The following PTPN13 variants were observed in gnomAD, a reference collection of about 807,000 sequenced individuals.
The protein encoded by PTPN13 is protein tyrosine phosphatase non-receptor type 13.
A neutral mutation model predicts 284.0 loss-of-function variants in PTPN13; 191 were observed. The ratio of observed to expected loss-of-function variants is 0.67; its 90% confidence interval spans 0.60 to 0.76. The LOEUF (loss-of-function observed/expected upper bound fraction) is 0.76. PTPN13 is among the 30% of genes least tolerant of loss of function. PTPN13 has a pLI of 0.00. For missense variants in PTPN13, 2,797 were observed against 2,939.9 expected, an observed-to-expected ratio of 0.95 and a Z score of 1.12; for synonymous variants, 986 against 1,022.3, an observed-to-expected ratio of 0.96 and a Z score of 0.68.
At chr4:86,792,328 G>A (rs1742783268) in intron 40 of PTPN13, among the ~76,000 whole-genome samples, 1 of 152,140 alleles carries the variant, frequency 6.6e-6, no homozygotes. Flanking sequence ...GAAAAGAAAT[G>A]AACAAATGCT....
chr4:86,617,172 C>G (rs1264003767), intron 1 of PTPN13, among the ~76,000 whole-genome samples: 2 of 152,162 alleles, frequency 1.3e-5, no homozygotes, highest in African/African-American at 2.4e-5. Flanking sequence ...TCATAATTTT[C>G]TAGGGCTTTA....
intron 10 of PTPN13, among the ~76,000 whole-genome samples, chr4:86,727,214 C>CTAG (rs1161545990): frequency 6.7e-6 from 1 of 149,618 alleles, no homozygotes; most frequent in Non-Finnish European, 1.5e-5. Context: ...ATTTGGTTTG[C>CTAG]TAGTATTTTA....
chr4:86,804,123 A>T (rs9985804), intron 43 of PTPN13, among the ~76,000 whole-genome samples: 14,220 of 140,174 alleles, frequency 0.1, 761 homozygotes, highest in Non-Finnish European at 0.12. Flanking sequence ...AAAAATGTTT[A>T]AAAAAAAAAA....
intron 42 of PTPN13, among the ~76,000 whole-genome samples, chr4:86,803,446 A>G (rs1221263690): frequency 6.6e-6 from 1 of 152,018 alleles, no homozygotes; most frequent in Non-Finnish European, 1.5e-5. Flanking sequence ...TTAAAAATTA[A>G]CCAGGCACAG....
At chr4:86,648,555 G>T (rs767657517) in intron 2 of PTPN13, among the ~76,000 whole-genome samples, 1 of 152,030 alleles carries the variant, frequency 6.6e-6, no homozygotes, top group African/African-American at 2.4e-5. Flanking sequence ...CAAATGAAAG[G>T]ATTTTATTCT....
chr4:86,788,580 T>G (rs1050615829), intron 40 of PTPN13, among the ~76,000 whole-genome samples: 6 of 152,228 alleles, frequency 3.9e-5, no homozygotes, highest in African/African-American at 1.4e-4. Flanking sequence ...TATTCAGTAT[T>G]GTAATTGTAC....
At chr4:86,629,182 T>G (rs1030567097) in intron 1 of PTPN13, among the ~76,000 whole-genome samples, 26 of 147,610 alleles carry the variant, frequency 1.8e-4, no homozygotes, top group East Asian at 7.9e-4. Flanking sequence ...GGGAGAAAAT[T>G]TTCGCAACCT....
chr4:86,796,724 T>C lies in PTPN13; in HGVS notation c.6346-150T>C, dbSNP rs1743382534. On this transcript the variant is annotated intron_variant, in intron 40 of 47. Transcript: ENST00000411767. ...GGCCACTGATGCCTCAGCCACTGTTTGGAGTGTATTAATTGAATGTCATAT... is the reference window on the plus strand; with the variant it reads ...GGCCACTGATGCCTCAGCCACTGTTCGGAGTGTATTAATTGAATGTCATAT... The C allele has an allele frequency of 5.3e-6, 3 of 568,352 alleles. No homozygotes were observed. The South Asian group carries it at 7.1e-5, about 13-fold the overall frequency. 35.2% of individuals were successfully genotyped at this position (568,352 alleles called of 1,614,324 possible). A position where few individuals can be genotyped will look rare whatever the true frequency, so the allele number is the denominator to read the frequency against.
At chr4:86,632,486 T>G (rs1006691599) in intron 1 of PTPN13, among the ~76,000 whole-genome samples, 4 of 152,152 alleles carry the variant, frequency 2.6e-5, no homozygotes, top group Admixed American at 2.6e-4. Context: ...TGTGGGTTCT[T>G]CACAATCCTT....
Position 86,809,943 on chromosome 4 carries a change from T to C in PTPN13, c.7258T>C (p.Cys2420Arg). Residue 2420 changes from cysteine (C) to arginine (R), a missense_variant, in exon 46 of 48, where the codon TGC becomes CGC. Transcript: ENST00000411767. ...CATTGGACGTTCAGGGACCCTGATTTGCATAGATGTGGTTCTGGGATTAAT... is the reference window on the plus strand; with the variant it reads ...CATTGGACGTTCAGGGACCCTGATTCGCATAGATGTGGTTCTGGGATTAAT... Reference protein sequence around the residue: ...AGIGRSGTLICIDVVLGLISQ... With the variant: ...AGIGRSGTLIRIDVVLGLISQ... 1 of 1,614,036 alleles carries C rather than the reference T, an allele frequency of 6.2e-7. No homozygotes were observed. The highest frequency in any genetic ancestry group is 8.5e-7 in the Non-Finnish European group (1 of 1,179,894).
intron 7 of PTPN13, among the ~76,000 whole-genome samples, chr4:86,702,407 A>T (rs535787361): frequency 1.3e-5 from 2 of 152,166 alleles, no homozygotes; most frequent in Non-Finnish European, 2.9e-5. Context: ...TAGTTCCTCC[A>T]TTAGTAACTA....
chr4:86,734,833 A>G lies in PTPN13; in HGVS notation c.2109A>G (p.Ala703=), dbSNP rs746012351. ...ATGATGAGACTTCCTTATTGCTGGC[A>G]TCCTTGGCTCTCCAGGCTGAGTATG... is the stretch of plus-strand genomic sequence containing the variant. ...HCDDETSLLL[A]SLALQAEYGD... Residue 703 remains alanine, a synonymous_variant, in exon 14 of 48, where the codon GCA becomes GCG. Coordinates refer to ENST00000411767, the MANE Select transcript of PTPN13 (RefSeq NM_080683.3). 2 of 1,613,494 alleles carry G rather than the reference A, an allele frequency of 1.2e-6. No homozygotes were observed. The highest frequency in any genetic ancestry group is 2.2e-5 in the South Asian group (2 of 90,998).
chr4:86,688,358 G>A (rs1729655558), intron 4 of PTPN13, among the ~76,000 whole-genome samples: 1 of 152,008 alleles, frequency 6.6e-6, no homozygotes. Flanking sequence ...TATTGGGTGT[G>A]TAGTGGCTTC....
At chr4:86,717,889 C>T (rs1289335154) in intron 9 of PTPN13, among the ~76,000 whole-genome samples, 1 of 151,806 alleles carries the variant, frequency 6.6e-6, no homozygotes, top group African/African-American at 2.4e-5. Flanking sequence ...TCTTTCCTGG[C>T]TTAAAAGAGG....
intron 10 of PTPN13, among the ~76,000 whole-genome samples, chr4:86,722,665 T>C (rs765872778): frequency 2.0e-5 from 3 of 152,206 alleles, no homozygotes; most frequent in Non-Finnish European, 4.4e-5. Context: ...ATTTAGAGTG[T>C]CCTAACTATA....
intron 10 of PTPN13, among the ~76,000 whole-genome samples, chr4:86,722,972 C>G: frequency 6.6e-6 from 1 of 152,112 alleles, no homozygotes; most frequent in Non-Finnish European, 1.5e-5. Context: ...AAGTCTGTAT[C>G]TTGTATCTTG....
At chr4:86,628,902 T>C (rs1278825543) in intron 1 of PTPN13, among the ~76,000 whole-genome samples, 3 of 151,050 alleles carry the variant, frequency 2.0e-5, no homozygotes, top group African/African-American at 4.9e-5. Flanking sequence ...CAGTCTATCA[T>C]TGTTGGACAT....
At chr4:86,752,252 A>G (rs1199143988) in intron 19 of PTPN13, among the ~76,000 whole-genome samples, 1 of 152,196 alleles carries the variant, frequency 6.6e-6, no homozygotes, top group African/African-American at 2.4e-5. Flanking sequence ...CTAATTACCC[A>G]AAGTTTAAAA....
chr4:86,777,748 G>A (rs984816199), intron 35 of PTPN13, among the ~76,000 whole-genome samples: 2 of 152,108 alleles, frequency 1.3e-5, no homozygotes, highest in African/African-American at 2.4e-5. Flanking sequence ...TATTCCTTCT[G>A]AACCTGTAAA....
Sources: gnomAD v4.1 joint callset for allele counts (sites outside exome capture counted in the v4.1 genomes callset) on GRCh38, gnomAD v4.1.1 for gene constraint, MANE v1.5 for transcripts, NCBI Gene and HGNC (gene_info 2026-07-23, HGNC 2026-07-21) for gene names.